Variants in AXL observed in about 807,000 individuals in gnomAD.
AXL encodes the protein tyrosine-protein kinase receptor UFO.
A neutral mutation model predicts 104.5 loss-of-function variants in AXL; 52 were observed. The ratio of observed to expected loss-of-function variants is 0.50; its 90% CI spans 0.40 to 0.63. The LOEUF (loss-of-function observed/expected upper bound fraction) is 0.63. Ranked by LOEUF, AXL falls within the 20% of genes least tolerant of loss-of-function variation. AXL has a pLI of 0.00. For missense variants in AXL, 1,024 were observed against 1,188.5 expected (o/e 0.86, Z 2.04); for synonymous variants, 455 against 473.7 (o/e 0.96, Z 0.51).
chr19:41,234,123 C>T (rs2034040352), intron 6 of AXL, among the ~76,000 whole-genome samples: 1 of 152,108 alleles, frequency 6.6e-6, no homozygotes, highest in Admixed American at 6.5e-5. Flanking sequence ...CCCCACTCCT[C>T]CCCAGGTCTC....
intron 6 of AXL, among the ~76,000 whole-genome samples, chr19:41,236,985 C>T (rs577514580): frequency 3.9e-4 from 59 of 151,906 alleles, no homozygotes; most frequent in African/African-American, 1.3e-3. Flanking sequence ...TTAGTGTTAG[C>T]GTATTTTATG....
At chr19:41,226,796 C>A (rs921739542) in intron 4 of AXL, 6 of 985,508 alleles carry the variant, frequency 6.1e-6, no homozygotes, top group Non-Finnish European at 7.2e-6. Flanking sequence ...GTCGCACTTA[C>A]AAGACTTGGT....
intron 10 of AXL, 26 bp from the exon 11 acceptor site, chr19:41,242,857 G>A (rs1437721154): frequency 1.9e-6 from 3 of 1,613,910 alleles, no homozygotes; most frequent in East Asian, 4.5e-5. Context: ...CTTCATCCAT[G>A]ACCTGTTCCT....
chr19:41,221,090 C>T (rs2033782738), intron 2 of AXL, 56 bp from the exon 3 acceptor site: 7 of 1,517,410 alleles, frequency 4.6e-6, no homozygotes, highest in Non-Finnish European at 6.3e-6. Flanking sequence ...GACAGACCCC[C>T]TCCCAGTGTC....
At chr19:41,253,755 C>T (rs745626983) in intron 17 of AXL, 47 bp downstream of exon 17, 1 of 1,443,996 alleles carries the variant, frequency 6.9e-7, no homozygotes, top group South Asian at 1.2e-5. Context: ...TCCTGCACTC[C>T]CTGAGGGAGT....
At position 41,239,245 on chromosome 19, in the gene AXL, G is replaced by A. The variant is rs909496760; in HGVS notation, c.1216G>A (p.Val406Met). 6.2e-7 allele frequency: 1 copy of A among 1,612,118 alleles called. No homozygotes were observed. ...DGSVSNLTVC[V>M]AAYTAAGDGP... ...GTCTGTGTCCAATCTGACAGTGTGT[G>A]TGGCAGCCTACACTGCTGCTGGGGA... The change falls in exon 9 of 20, where the codon GTG becomes ATG. Residue 406 changes from valine (V) to methionine (M), a missense_variant. This residue lies in a region of AXL where 4 missense variants were observed against 16.9 expected (regional missense o/e 0.24). Transcript: ENST00000301178.
intron 14 of AXL, among the ~76,000 whole-genome samples, chr19:41,249,309 G>C (rs917975593): frequency 6.6e-6 from 1 of 152,070 alleles, no homozygotes; most frequent in Non-Finnish European, 1.5e-5. Flanking sequence ...CAAAAAATTA[G>C]CTGGGCATGG....
At chr19:41,234,583 T>C (rs1044082907) in intron 6 of AXL, among the ~76,000 whole-genome samples, 1 of 152,136 alleles carries the variant, frequency 6.6e-6, no homozygotes, top group Non-Finnish European at 1.5e-5. Context: ...AAACGTTAGC[T>C]GTTGATAATT....
intron 4 of AXL, among the ~76,000 whole-genome samples, chr19:41,230,734 GT>G (rs1400471430): frequency 6.6e-6 from 1 of 152,048 alleles, no homozygotes; most frequent in Non-Finnish European, 1.5e-5. Context: ...TGTACTATGT[GT>G]GTCTGTGTGG....
intron 12 of AXL, among the ~76,000 whole-genome samples, chr19:41,245,322 C>G (rs945124390): frequency 1.3e-5 from 2 of 152,150 alleles, no homozygotes; most frequent in Non-Finnish European, 2.9e-5. Context: ...TACTCTACAC[C>G]CTTATACTTT....
intron 4 of AXL, among the ~76,000 whole-genome samples, chr19:41,227,434 G>C (rs920005056): frequency 6.6e-6 from 1 of 150,968 alleles, no homozygotes; most frequent in South Asian, 2.1e-4. Flanking sequence ...AGCACTTTAA[G>C]GCTTCTCTTT....
At chr19:41,247,729 G>A (rs12983027) in intron 12 of AXL, among the ~76,000 whole-genome samples, 23,782 of 151,178 alleles carry the variant, frequency 0.16, 1,996 homozygotes, top group East Asian at 0.27. Context: ...GACTATAGGC[G>A]CGTACCACCA....
rs940892926 is a variant in AXL at position 41,239,030 on chromosome 19, G to A, written c.1135-134G>A. 4.1e-5 allele frequency: 42 copies of A among 1,014,106 alleles called. No homozygotes were observed. In the South Asian group the frequency reaches 6.6e-4, roughly 16 times the overall value. The allele number at this position is 1,014,106 out of a possible 1,614,324, so 62.8% of individuals were successfully genotyped here. ...AAGGATGAGGATGAGAGATGAAGGG[G>A]AGGACGAGGAAGGATGAGGAGTTGG... On this transcript the variant is annotated intron_variant, in intron 8 of 19. Transcript: ENST00000301178.
chr19:41,244,322 G>T (rs1047954061), intron 12 of AXL, among the ~76,000 whole-genome samples: 1 of 152,068 alleles, frequency 6.6e-6, no homozygotes, highest in African/African-American at 2.4e-5. Flanking sequence ...AAATGATGAT[G>T]ATGATGAAAT....
chr19:41,253,564 G>A (rs2034401856), intron 16 of AXL, 35 bp from the exon 17 acceptor site: 2 of 1,481,084 alleles, frequency 1.4e-6, no homozygotes, highest in East Asian at 2.3e-5. Context: ...CAAGGACTCT[G>A]TTGACCTCTC....
rs2122198766 is a variant in AXL, at chr19:41,221,922, C to T, written c.452C>T (p.Ala151Val). ...FLEEPEDRTV[A>V]ANTPFNLSCQ... ...GAGGAGCCCGAAGACAGGACTGTGG[C>T]CGCCAACACCCCCTTCAACCTGAGC... Residue 151 changes from alanine (A) to valine (V), a missense_variant, in exon 4 of 20, where the codon GCC becomes GTC. This residue lies in a region of AXL where 332 missense variants were observed against 343.9 expected (regional missense o/e 0.97). Transcript: ENST00000301178. The T allele has an allele frequency of 6.2e-7, 1 of 1,613,718 alleles. No individual in the cohort carries two copies. The highest frequency in any genetic ancestry group is 8.5e-7 in the Non-Finnish European group (1 of 1,179,892).
Position 41,226,797 on chromosome 19 carries a change from A to G in AXL, c.587-4170A>G, listed in dbSNP as rs562663277. The G allele has an allele frequency of 1.2e-5, 12 of 985,626 alleles. No individual in the cohort carries two copies. In the African/African-American group the frequency reaches 1.9e-4, roughly 16 times the overall value. The allele number at this position is 985,626 out of a possible 1,614,324, so 61.1% of individuals were successfully genotyped here. On this transcript the variant is annotated intron_variant, in intron 4 of 19. Coordinates refer to ENST00000301178, the MANE Select transcript of AXL (RefSeq NM_021913.5). Reference sequence around the variant, plus strand: ...CACGCAGAACTGCAGTCGCACTTACAAGACTTGGTCCCAGGGCCGGGCACC... The same window carrying G: ...CACGCAGAACTGCAGTCGCACTTACGAGACTTGGTCCCAGGGCCGGGCACC...
intron 9 of AXL, 39 bp downstream of exon 9, chr19:41,239,353 C>G: frequency 2.0e-6 from 3 of 1,537,706 alleles, no homozygotes; most frequent in Non-Finnish European, 2.6e-6. Context: ...TCAACCCTGT[C>G]TCTCCCTGAC....
intron 9 of AXL, 52 bp from the exon 10 acceptor site, chr19:41,239,642 G>T (rs368712021): frequency 1.4e-5 from 23 of 1,610,692 alleles, no homozygotes; most frequent in Non-Finnish European, 2.0e-5. Context: ...CCCGTGCCAC[G>T]CCAGTCTTGT....
Sources: allele counts gnomAD v4.1 joint callset (sites outside exome capture counted in the v4.1 genomes callset), GRCh38; gene constraint gnomAD v4.1.1; regional missense constraint gnomAD v4.1.1; transcripts MANE v1.5; gene names NCBI Gene and HGNC (gene_info 2026-07-23, HGNC 2026-07-21).